Variants in JMJD1C observed in about 807,000 individuals in gnomAD.
The protein encoded by JMJD1C is jumonji domain-containing protein 1C.
In JMJD1C, 31 loss-of-function variants were observed where a neutral mutation model predicts 245.3. That is an observed-to-expected ratio of 0.13 (90% CI 0.09 to 0.17). JMJD1C has a LOEUF of 0.17. Ranked by LOEUF, JMJD1C falls within the 10% of genes least tolerant of loss-of-function variation. JMJD1C has a pLI of 1.00. For synonymous variants in JMJD1C, 1,057 were observed against 1,017.4 expected (o/e 1.04, Z -0.74); for missense variants, 2,691 against 3,000.2 (o/e 0.90, Z 2.41).
intron 1 of JMJD1C, chr10:63,521,611 C>G: frequency 7.2e-7 from 1 of 1,385,156 alleles, no homozygotes; most frequent in South Asian, 1.6e-5. Flanking sequence ...GCAGCCGGCG[C>G]GAGGCCCAGG....
At chr10:63,376,565 AAACTT>A (rs1307582916) in intron 2 of JMJD1C, among the ~76,000 whole-genome samples, 1 of 152,214 alleles carries the variant, frequency 6.6e-6, no homozygotes, top group Non-Finnish European at 1.5e-5. Flanking sequence ...AGAAATCCTA[AAACTT>A]AACACCAAAA....
chr10:63,278,110 CTT>C (rs1026943397), intron 2 of JMJD1C, among the ~76,000 whole-genome samples: 9 of 151,876 alleles, frequency 5.9e-5, no homozygotes, highest in Non-Finnish European at 8.8e-5. Context: ...TTAAACAAAA[CTT>C]TTATCAAGAC....
chr10:63,174,370 C>T (rs1473986431), intron 24 of JMJD1C, among the ~76,000 whole-genome samples: 2 of 152,012 alleles, frequency 1.3e-5, no homozygotes, highest in Admixed American at 6.5e-5. Context: ...AAAGAATCAA[C>T]TGATAAATAC....
chr10:63,471,541 TAGAA>T (rs1378808000), intron 1 of JMJD1C, among the ~76,000 whole-genome samples: 3 of 152,204 alleles, frequency 2.0e-5, no homozygotes, highest in Admixed American at 6.5e-5. Context: ...CAAATATTGT[TAGAA>T]AGACTTCAGC....
intron 4 of JMJD1C, among the ~76,000 whole-genome samples, chr10:63,217,912 T>C (rs966390894): frequency 3.3e-5 from 5 of 152,120 alleles, no homozygotes. Context: ...AAGGATATTC[T>C]TGTATAGATA....
At position 63,217,239 on chromosome 10, in the gene JMJD1C, A is replaced by G. The variant is rs374454339; in HGVS notation, c.646T>C (p.Phe216Leu). 6.2e-7 allele frequency: 1 copy of G among 1,611,744 alleles called. No individual in the cohort carries two copies. Among genetic ancestry groups the G allele is most frequent in the South Asian group, 1.1e-5 (1 of 90,842 alleles). ...FTGIITHHDL[F>L]TRTMIVMNDQ... The stretch of plus-strand genomic sequence containing the variant: ...TTCATAACGATCATGGTGCGGGTGA[A>G]GAGATCATGATGAGTAATTATGCCA... Residue 216 changes from phenylalanine (F) to leucine (L), a missense_variant, in exon 5 of 26, where the codon TTC becomes CTC. This residue lies in a region of JMJD1C where 172 missense variants were observed against 240.8 expected (regional missense o/e 0.71). Coordinates refer to ENST00000399262, the MANE Select transcript of JMJD1C (RefSeq NM_032776.3).
At chr10:63,499,244 T>C (rs940334063) in intron 1 of JMJD1C, among the ~76,000 whole-genome samples, 8 of 152,232 alleles carry the variant, frequency 5.3e-5, no homozygotes, top group African/African-American at 1.4e-4. Context: ...AGAAGCAGGA[T>C]TGCTGGATCA....
intron 2 of JMJD1C, among the ~76,000 whole-genome samples, chr10:63,360,365 A>G (rs1945221644): frequency 6.6e-6 from 1 of 152,200 alleles, no homozygotes; most frequent in African/African-American, 2.4e-5. Flanking sequence ...TCTCCGAATA[A>G]AAGAAATGAA....
chr10:63,245,534 C>G lies in JMJD1C; in HGVS notation c.447+19117G>C, dbSNP rs930286137. ...TCTTGCTCTTGTCCCCCAGGCTGGACTGCAGTGGCGGGATCTCAGCTCACT... is the reference window on the plus strand; with the variant it reads ...TCTTGCTCTTGTCCCCCAGGCTGGAGTGCAGTGGCGGGATCTCAGCTCACT... On this transcript the variant is annotated intron_variant, in intron 3 of 25. Transcript: ENST00000399262. Among the ~76,000 whole-genome samples the G allele has an allele frequency of 3.0e-5, 4 of 131,362 alleles. No homozygotes were observed. The East Asian group carries it at 9.1e-4, about 30-fold the overall frequency. 86.2% of individuals were successfully genotyped at this position (131,362 alleles called of 152,430 possible).
intron 2 of JMJD1C, among the ~76,000 whole-genome samples, chr10:63,357,408 C>A (rs1056734834): frequency 1.3e-5 from 2 of 152,050 alleles, no homozygotes; most frequent in African/African-American, 4.8e-5. Context: ...CAGGTTCAAG[C>A]GATTCTCCTG....
At chr10:63,326,070 G>A (rs954017409) in intron 2 of JMJD1C, among the ~76,000 whole-genome samples, 11 of 152,260 alleles carry the variant, frequency 7.2e-5, no homozygotes, top group Admixed American at 5.9e-4. Context: ...CATCTTTCAC[G>A]TAATGAAGTA....
chr10:63,191,561 T>A (rs971218440), intron 16 of JMJD1C, among the ~76,000 whole-genome samples: 1 of 152,134 alleles, frequency 6.6e-6, no homozygotes, highest in African/African-American at 2.4e-5. Context: ...AACCTGAGGA[T>A]GAGTGAGGTT....
At chr10:63,521,618 C>T in intron 1 of JMJD1C, 1 of 1,371,698 alleles carries the variant, frequency 7.3e-7, no homozygotes, top group Non-Finnish European at 9.6e-7. Flanking sequence ...GCGCGAGGCC[C>T]AGGGGAGCTG....
chr10:63,409,366 A>ATG (rs1454689755), intron 1 of JMJD1C, among the ~76,000 whole-genome samples: 4 of 152,130 alleles, frequency 2.6e-5, no homozygotes, highest in African/African-American at 9.7e-5. Flanking sequence ...ACCAACACAT[A>ATG]TGTAACTGTT....
At chr10:63,458,875 C>T (rs1952597161) in intron 1 of JMJD1C, among the ~76,000 whole-genome samples, 1 of 152,060 alleles carries the variant, frequency 6.6e-6, no homozygotes, top group South Asian at 2.1e-4. Context: ...AGGCACACAC[C>T]ACCACGCCTG....
In JMJD1C at chr10:63,497,924, T is replaced by A. The variant is rs186778009; in HGVS notation, n.113+23814A>T. Among the ~76,000 whole-genome samples the A allele has an allele frequency of 2.3e-4, 35 of 152,174 alleles. No homozygotes were observed. The East Asian group carries it at 6.8e-3, about 29-fold the overall frequency. On this transcript the variant is annotated intron_variant and non_coding_transcript_variant, in intron 1 of 3. Coordinates refer to the JMJD1C transcript ENST00000633035. ...CTTCAGATGAGGTGGAATAAAAAAA[T>A]CAAATCCTTCAGAAAACAAAGAAAA...
At chr10:63,338,111 T>C (rs1943018995) in intron 2 of JMJD1C, among the ~76,000 whole-genome samples, 1 of 152,144 alleles carries the variant, frequency 6.6e-6, no homozygotes, top group Non-Finnish European at 1.5e-5. Context: ...AAAGAGTTTA[T>C]CTGGAGCTCT....
chr10:63,315,335 T>G (rs56107791), intron 2 of JMJD1C, among the ~76,000 whole-genome samples: 2,021 of 152,238 alleles, frequency 0.013, 30 homozygotes, highest in African/African-American at 0.034. Flanking sequence ...GTACCAGATA[T>G]TTAGCTCTTA....
intron 13 of JMJD1C, among the ~76,000 whole-genome samples, 176 bp downstream of exon 13, chr10:63,197,235 G>A (rs1458731545): frequency 6.6e-6 from 1 of 151,054 alleles, no homozygotes; most frequent in Non-Finnish European, 1.5e-5. Flanking sequence ...TTTAATTCTA[G>A]AAAATATAGC....
Sources: allele counts gnomAD v4.1 joint callset (sites outside exome capture counted in the v4.1 genomes callset), GRCh38; gene constraint gnomAD v4.1.1; regional missense constraint gnomAD v4.1.1; transcripts MANE v1.5; gene names NCBI Gene and HGNC (gene_info 2026-07-23, HGNC 2026-07-21).